The following MTERF4 variants were observed in gnomAD, a reference collection of about 807,000 sequenced individuals.
The protein encoded by MTERF4 is mitochondrial transcription termination factor 4.
In MTERF4, 17 loss-of-function variants were observed where a neutral mutation model predicts 22.5. That is an observed-to-expected ratio of 0.75 (90% CI 0.52 to 1.13). The LOEUF is 1.13. Among genes scored for constraint, MTERF4 ranks in the 50% most tolerant of loss-of-function variants. The probability of loss-of-function intolerance (pLI) is 0.00; values close to 1 mark genes in which losing one functional copy is unlikely to be tolerated. For synonymous variants in MTERF4, 165 were observed against 175.3 expected, an observed-to-expected ratio of 0.94 and a Z score of 0.47; for missense variants, 420 against 466.8, an observed-to-expected ratio of 0.90 and a Z score of 0.92.
At chr2:241,089,336 T>C (rs1183531183), downstream of MTERF4, 7 of 1,550,526 alleles carry the variant, frequency 4.5e-6, no homozygotes, top group Non-Finnish European at 6.1e-6. Flanking sequence ...AACAAGCCAC[T>C]TCAAAACAGG....
In MTERF4 at chr2:241,097,343, T is replaced by C; in HGVS notation, c.605A>G (p.Lys202Arg). 1.2e-6 allele frequency: 2 copies of C among 1,614,214 alleles called. No individual in the cohort carries two copies. Among genetic ancestry groups the C allele is most frequent in the Non-Finnish European group, 1.7e-6 (2 of 1,180,032 alleles). Residue 202 changes from lysine (K) to arginine (R), a missense_variant, in exon 3 of 4, where the codon AAG becomes AGG. Lys to Arg is a conservative substitution (Grantham distance 26). Transcript: ENST00000391980. ...QDINDTVRLLKEKCLFTVQQV... is the reference protein window; with the variant it reads ...QDINDTVRLLREKCLFTVQQV... The stretch of plus-strand genomic sequence containing the variant: ...CTGTACCGTGAAAAGGCACTTCTCC[T>C]TGAGAAGCCTGACAGTGTCGTTAAT...
At chr2:241,094,698 C>G (rs971055107), downstream of MTERF4, 11 of 304,676 alleles carry the variant, frequency 3.6e-5, no homozygotes, top group Non-Finnish European at 6.4e-5. This position sits in a 1 kb window ranked among gnomAD's most constrained non-coding sequence, Gnocchi z 4.3. Flanking sequence ...GGATCATCCT[C>G]TCTTGTGGGA....
the MTERF4 span, chr2:241,064,895 C>A: frequency 6.3e-7 from 1 of 1,584,886 alleles, no homozygotes; most frequent in Non-Finnish European, 8.5e-7. The surrounding 1 kb of genome is among the most constrained non-coding windows in gnomAD (Gnocchi z 7.0). Flanking sequence ...TATTGCCTGG[C>A]CAGCAACGGC....
chr2:241,052,533 A>C, the MTERF4 span: 1 of 1,179,524 alleles, frequency 8.5e-7, no homozygotes. Context: ...TGAGATGGCC[A>C]GGGCCCAAGC....
the MTERF4 span, among the ~76,000 whole-genome samples, chr2:241,066,284 G>A: frequency 1.3e-5 from 2 of 152,184 alleles, no homozygotes; most frequent in African/African-American, 4.8e-5. Flanking sequence ...GATGCTGAGC[G>A]CTCTAGGGAA....
rs775676242 is a variant in MTERF4 at position 241,096,145 on chromosome 2, A to C, written c.999T>G (p.Asp333Glu). The C allele has an allele frequency of 6.2e-7, 1 of 1,614,018 alleles. No individual in the cohort carries two copies. Among genetic ancestry groups the C allele is most frequent in the Non-Finnish European group, 8.5e-7 (1 of 1,180,026 alleles). Residue 333 changes from aspartate (D) to glutamate (E), a missense_variant, in exon 4 of 4, where the codon GAT (aspartate) becomes GAG (glutamate). Asp to Glu is a conservative substitution (Grantham distance 45). Coordinates refer to ENST00000391980, the MANE Select transcript of MTERF4 (RefSeq NM_182501.4). This position sits in a 1 kb window ranked among gnomAD's most constrained non-coding sequence, Gnocchi z 5.1. ...CCTCATCCAGACTTGCCCTTTTGTC[A>C]TCAGATGTGCTGCTCTCAGACTCCT... ...EEEESESSTSDDKRASLDEDE... is the reference protein window; with the variant it reads ...EEEESESSTSEDKRASLDEDE...
At chr2:241,062,787 T>C in the MTERF4 span, 1 of 1,603,102 alleles carries the variant, frequency 6.2e-7, no homozygotes, top group East Asian at 2.2e-5. Flanking sequence ...CTCTCTCCTC[T>C]CAGAAATCGA....
the MTERF4 span, among the ~76,000 whole-genome samples, chr2:241,045,731 A>G: frequency 6.6e-6 from 1 of 150,982 alleles, no homozygotes; most frequent in Non-Finnish European, 1.5e-5. Context: ...AAAAAAATTT[A>G]TGACCTGGTC....
At chr2:241,067,034 G>A in the MTERF4 span, among the ~76,000 whole-genome samples, 5 of 152,224 alleles carry the variant, frequency 3.3e-5, no homozygotes, top group South Asian at 2.1e-4. Context: ...GGGGTGGCTC[G>A]CCTGGGCTGT....
In MTERF4 at chr2:241,073,331, C is replaced by T. The variant is rs1305091882; in HGVS notation, n.2831G>A. On this transcript the variant is annotated non_coding_transcript_exon_variant, in exon 5 of 5. Coordinates refer to the MTERF4 transcript ENST00000464344. The surrounding 1 kb of genome is among the most constrained non-coding windows in gnomAD (Gnocchi z 6.6). The stretch of plus-strand genomic sequence containing the variant: ...CCCCAAGCGGGTCAGCCTGGCCCTC[C>T]AGCTCCCTGAACACGGCAGCAAGGA... The T allele has an allele frequency of 1.3e-6, 2 of 1,574,290 alleles. No individual in the cohort carries two copies. Among genetic ancestry groups the T allele is most frequent in the African/African-American group, 1.4e-5 (1 of 74,054 alleles).
chr2:241,067,804 G>A (rs778911371), downstream of MTERF4: 83 of 1,613,018 alleles, frequency 5.1e-5, no homozygotes, highest in South Asian at 2.4e-4. Flanking sequence ...CCAATGTGAC[G>A]GCTAGCACCA....
chr2:241,096,821 C>T lies in MTERF4; in HGVS notation c.706-383G>A, dbSNP rs1387646526. 1.9e-6 allele frequency: 1 copy of T among 531,922 alleles called. No homozygotes were observed. The highest frequency in any genetic ancestry group is 3.5e-6 in the Non-Finnish European group (1 of 289,602). The allele number at this position is 531,922 out of a possible 1,614,324, so 33.0% of individuals were successfully genotyped here. On this transcript the variant is annotated intron_variant, in intron 3 of 3. Coordinates refer to ENST00000391980, the MANE Select transcript of MTERF4 (RefSeq NM_182501.4). The surrounding 1 kb of genome is among the most constrained non-coding windows in gnomAD (Gnocchi z 5.1). ...TCATAATTATTACCAAAAAATCGGA[C>T]AACTGTTAAAATTACATTTTCAAAA...
intron 4 of MTERF4, among the ~76,000 whole-genome samples, chr2:241,080,321 T>A (rs1352209116): frequency 6.6e-6 from 1 of 152,218 alleles, no homozygotes; most frequent in Non-Finnish European, 1.5e-5. Context: ...CTTTTGATTC[T>A]GTTAATTTGA....
chr2:241,064,993 G>A, the MTERF4 span: 84 of 1,472,450 alleles, frequency 5.7e-5, no homozygotes, highest in Non-Finnish European at 6.9e-5. The surrounding 1 kb of genome is among the most constrained non-coding windows in gnomAD (Gnocchi z 7.0). Flanking sequence ...AGGGAGCCAC[G>A]AGGGGGTCCC....
downstream of MTERF4, among the ~76,000 whole-genome samples, chr2:241,068,592 C>G (rs185179128): frequency 2.5e-3 from 376 of 152,128 alleles, 2 homozygotes; most frequent in African/African-American, 8.4e-3. This position sits in a 1 kb window ranked among gnomAD's most constrained non-coding sequence, Gnocchi z 5.3. Flanking sequence ...TGCTGAGGGC[C>G]CGTCCCCCAT....
the MTERF4 span, among the ~76,000 whole-genome samples, chr2:241,058,940 ACT>A: frequency 2.0e-5 from 3 of 151,432 alleles, no homozygotes; most frequent in African/African-American, 7.3e-5. Flanking sequence ...ACACAGCAAG[ACT>A]CTGTTTCAAA....
downstream of MTERF4, chr2:241,088,248 G>A (rs1207872108): frequency 6.5e-6 from 5 of 764,168 alleles, no homozygotes; most frequent in African/African-American, 3.4e-5. Context: ...GTCCCCCACC[G>A]TGGAATGTAT....
At chr2:241,089,218 A>C, downstream of MTERF4, 1 of 1,368,992 alleles carries the variant, frequency 7.3e-7, no homozygotes, top group Non-Finnish European at 9.8e-7. Flanking sequence ...TCACTGCATG[A>C]AAGATGAATC....
At chr2:241,052,182 A>G in the MTERF4 span, 1 of 1,589,198 alleles carries the variant, frequency 6.3e-7, no homozygotes, top group African/African-American at 1.3e-5. Context: ...AGGCCAGGCC[A>G]GGGCGGCCAG....
Sources: allele counts gnomAD v4.1 joint callset (sites outside exome capture counted in the v4.1 genomes callset), GRCh38; gene constraint gnomAD v4.1.1; non-coding constraint Gnocchi (gnomAD v3.1); transcripts MANE v1.5; gene names NCBI Gene and HGNC (gene_info 2026-07-23, HGNC 2026-07-21).